Variants in DPP10 observed in about 807,000 individuals in gnomAD.
DPP10 encodes the protein dipeptidyl peptidase like 10.
DPP10 carries 33 observed loss-of-function variants against 120.9 expected under a neutral mutation model. The observed-to-expected ratio is 0.27, with a 90% CI of 0.21 to 0.37. DPP10 has a LOEUF of 0.37. Among genes scored for constraint, DPP10 ranks in the 10% least tolerant of loss-of-function variants. The pLI is 1.00. For missense variants in DPP10, 816 were observed against 942.8 expected, an observed-to-expected ratio of 0.87 and a Z score of 1.76; for synonymous variants, 337 against 326.1, an observed-to-expected ratio of 1.03 and a Z score of -0.36.
intron 1 of DPP10, among the ~76,000 whole-genome samples, chr2:114,850,181 T>C (rs1688849531): frequency 6.6e-6 from 1 of 151,838 alleles, no homozygotes; most frequent in African/African-American, 2.4e-5. Flanking sequence ...CCACCGTGCC[T>C]GACTAGTTTT....
At chr2:115,067,861 CAAA>C (rs201964006) in intron 1 of DPP10, among the ~76,000 whole-genome samples, 1 of 86,846 alleles carries the variant, frequency 1.2e-5, no homozygotes, top group African/African-American at 4.0e-5. Flanking sequence ...GACTCTGTCT[CAAA>C]AAAAAAAAAA....
At chr2:115,023,897 G>A (rs949376933) in intron 1 of DPP10, among the ~76,000 whole-genome samples, 5 of 152,034 alleles carry the variant, frequency 3.3e-5, no homozygotes, top group African/African-American at 1.2e-4. Context: ...TTTAAGTAAA[G>A]TAACTCAGCA....
chr2:115,358,040 G>A (rs1191590774), intron 3 of DPP10, among the ~76,000 whole-genome samples: 1 of 152,026 alleles, frequency 6.6e-6, no homozygotes, highest in Non-Finnish European at 1.5e-5. Context: ...CGATGGGAGG[G>A]GCTGCTGTGA....
intron 1 of DPP10, among the ~76,000 whole-genome samples, chr2:114,750,338 A>AT (rs543605794): frequency 0.047 from 6,912 of 145,556 alleles, 374 homozygotes; most frequent in African/African-American, 0.13. Context: ...ACATCAATAT[A>AT]TTTTTTTTTT....
chr2:115,001,292 A>G (rs369608788), intron 1 of DPP10, among the ~76,000 whole-genome samples: 1 of 152,214 alleles, frequency 6.6e-6, no homozygotes, highest in South Asian at 2.1e-4. Context: ...AAGAGAATAA[A>G]CAAAATCAGA....
At chr2:114,490,572 C>T (rs1302435998) in intron 1 of DPP10, among the ~76,000 whole-genome samples, 3 of 151,974 alleles carry the variant, frequency 2.0e-5, no homozygotes, top group African/African-American at 4.8e-5. Flanking sequence ...AGACTGGAGG[C>T]AGCCGAGAAA....
At chr2:115,157,506 CTT>C (rs2052001043) in intron 1 of DPP10, among the ~76,000 whole-genome samples, 1 of 152,134 alleles carries the variant, frequency 6.6e-6, no homozygotes, top group East Asian at 1.9e-4. Context: ...ATGAGTATCA[CTT>C]ATATATATAG....
intron 5 of DPP10, among the ~76,000 whole-genome samples, chr2:115,668,673 G>C (rs760363922): frequency 1.3e-5 from 2 of 152,072 alleles, no homozygotes; most frequent in Non-Finnish European, 2.9e-5. Flanking sequence ...CTGTCAGGTA[G>C]TTTCTCTCGA....
intron 1 of DPP10, among the ~76,000 whole-genome samples, chr2:114,773,672 A>G (rs1201194517): frequency 6.6e-6 from 1 of 152,202 alleles, no homozygotes; most frequent in African/African-American, 2.4e-5. Flanking sequence ...CACATTTCTA[A>G]GGCTTTTGCA....
At chr2:114,862,932 A>G (rs1375779969) in intron 1 of DPP10, among the ~76,000 whole-genome samples, 4 of 136,858 alleles carry the variant, frequency 2.9e-5, no homozygotes, top group Admixed American at 1.5e-4. Context: ...CTTTTATTTT[A>G]TGGATTTATT....
At chr2:115,427,662 C>A (rs1335804261) in intron 3 of DPP10, among the ~76,000 whole-genome samples, 1 of 152,178 alleles carries the variant, frequency 6.6e-6, no homozygotes, top group Admixed American at 6.5e-5. Flanking sequence ...ATGGGAGGGG[C>A]TGCCTAGAAG....
chr2:115,842,185 A>G, intron 25 of DPP10, 26 bp from the exon 26 acceptor site: 2 of 1,553,218 alleles, frequency 1.3e-6, no homozygotes, highest in Non-Finnish European at 1.8e-6. Context: ...GATAATTTGA[A>G]ATCTTCTTTC....
chr2:114,953,468 T>A (rs1697945510), intron 1 of DPP10, among the ~76,000 whole-genome samples: 1 of 152,120 alleles, frequency 6.6e-6, no homozygotes, highest in African/African-American at 2.4e-5. Flanking sequence ...TTTCTTGCTC[T>A]CACATGTGTA....
At chr2:115,150,610 T>A (rs2051486513) in intron 1 of DPP10, among the ~76,000 whole-genome samples, 1 of 152,240 alleles carries the variant, frequency 6.6e-6, no homozygotes, top group South Asian at 2.1e-4. Context: ...ATGTACTCTT[T>A]CCTACTTAAC....
At chr2:115,741,231 C>T (rs1004950513) in intron 9 of DPP10, among the ~76,000 whole-genome samples, 4 of 152,010 alleles carry the variant, frequency 2.6e-5, no homozygotes, top group African/African-American at 7.2e-5. Context: ...GTATTAAATG[C>T]AAGATTATAA....
intron 1 of DPP10, among the ~76,000 whole-genome samples, chr2:115,209,285 A>T (rs2105341207): frequency 6.6e-6 from 1 of 152,294 alleles, no homozygotes; most frequent in South Asian, 2.1e-4. Context: ...TGAAGGGAAC[A>T]TGAGCACCTT....
chr2:114,869,040 G>A (rs1001032367), intron 1 of DPP10, among the ~76,000 whole-genome samples: 2 of 152,156 alleles, frequency 1.3e-5, no homozygotes, highest in Admixed American at 6.5e-5. Context: ...CACTCAGTAA[G>A]TGAAAGTTGC....
rs186697932 is a variant in DPP10, at chr2:114,752,137, A to G, written c.60+309299A>G. 3.4e-3 allele frequency among the ~76,000 whole-genome samples: 473 copies of G among 140,540 alleles called. 2 individuals carry two copies. Among genetic ancestry groups the G allele is most frequent in the African/African-American group, 0.011 (452 of 40,878 alleles). 92.2% of individuals were successfully genotyped at this position (140,540 alleles called of 152,430 possible). On this transcript the variant is annotated intron_variant, in intron 1 of 25. Transcript: ENST00000410059. ...TGATGCCAATGGTCAGGGTCTACACACTGAGAACCACTGCCTTAGCCTGCT... is the reference window on the plus strand; with the variant it reads ...TGATGCCAATGGTCAGGGTCTACACGCTGAGAACCACTGCCTTAGCCTGCT...
At chr2:115,823,594 A>G (rs34971414) in intron 21 of DPP10, among the ~76,000 whole-genome samples, 40,777 of 152,022 alleles carry the variant, frequency 0.27, 5,828 homozygotes, top group Middle Eastern at 0.45. Flanking sequence ...TCCAGCTTTC[A>G]GTTTGTATTT....
Sources: gnomAD v4.1 joint callset for allele counts (sites outside exome capture counted in the v4.1 genomes callset) on GRCh38, gnomAD v4.1.1 for gene constraint, MANE v1.5 for transcripts, NCBI Gene and HGNC (gene_info 2026-07-23, HGNC 2026-07-21) for gene names.